SCAPER: variants seen among roughly 807,000 people sequenced by gnomAD.
SCAPER encodes S phase cyclin A-associated protein in the endoplasmic reticulum.
A neutral mutation model predicts 182.2 loss-of-function variants in SCAPER; 98 were observed. That is an observed-to-expected ratio of 0.54 (90% CI 0.46 to 0.64). The LOEUF (loss-of-function observed/expected upper bound fraction) is 0.64. SCAPER is among the 30% of genes least tolerant of loss of function. The probability of loss-of-function intolerance (pLI) is 0.00; values close to 1 mark genes in which losing one functional copy is unlikely to be tolerated. For missense variants in SCAPER, 1,432 were observed against 1,690.0 expected (o/e 0.85, Z 2.68); for synonymous variants, 605 against 564.6 (o/e 1.07, Z -1.01).
intron 24 of SCAPER, among the ~76,000 whole-genome samples, 171 bp from the exon 25 acceptor site, chr15:76,471,506 T>C: frequency 6.6e-6 from 1 of 152,188 alleles, no homozygotes; most frequent in South Asian, 2.1e-4. Context: ...TATAAAAGCT[T>C]ATAATTTTCA....
chr15:76,571,199 T>C (rs12902174), intron 23 of SCAPER, among the ~76,000 whole-genome samples: 58,080 of 151,978 alleles, frequency 0.38, 13,094 homozygotes, highest in Middle Eastern at 0.52. Context: ...AAATTCTTGC[T>C]TTTTCTGTGG....
chr15:76,899,676 G>T (rs12909065), intron 1 of SCAPER, among the ~76,000 whole-genome samples: 1 of 150,640 alleles, frequency 6.6e-6, no homozygotes, highest in Non-Finnish European at 1.5e-5. Context: ...TGGAAAGTGA[G>T]GAGCACCTCT....
At chr15:76,817,576 CCA>C (rs1227564193) in intron 5 of SCAPER, among the ~76,000 whole-genome samples, 6 of 152,032 alleles carry the variant, frequency 3.9e-5, no homozygotes, top group African/African-American at 1.4e-4. Flanking sequence ...GTTACTCTTA[CCA>C]CACACACAAA....
At chr15:76,464,427 T>C (rs2049435503) in intron 25 of SCAPER, among the ~76,000 whole-genome samples, 1 of 152,106 alleles carries the variant, frequency 6.6e-6, no homozygotes. Context: ...TCCCTGTGTA[T>C]ACCCAAATCT....
chr15:76,686,751 A>C (rs1162570287), intron 20 of SCAPER, among the ~76,000 whole-genome samples: 1 of 152,176 alleles, frequency 6.6e-6, no homozygotes, highest in Non-Finnish European at 1.5e-5. Context: ...AATTGGATGA[A>C]TATAAGCATT....
At chr15:76,482,629 C>T (rs544760698) in intron 24 of SCAPER, among the ~76,000 whole-genome samples, 22 of 152,182 alleles carry the variant, frequency 1.4e-4, no homozygotes, top group African/African-American at 5.3e-4. Flanking sequence ...AAAGCCTCCT[C>T]GAATGAATAA....
chr15:76,787,466 A>G (rs1281417613), intron 8 of SCAPER, among the ~76,000 whole-genome samples: 2 of 152,176 alleles, frequency 1.3e-5, no homozygotes, highest in Non-Finnish European at 2.9e-5. Flanking sequence ...AGCTGGGACC[A>G]CAAACACATG....
rs566069662 is a variant in SCAPER at position 76,609,132 on chromosome 15, G to A, written c.2711+12632C>T. ...TGCGTCGCTCATGCTGGTAGCTGTA[G>A]ACTGGAGCTGTTCCTATTCGGCCAT... On this transcript the variant is annotated intron_variant, in intron 22 of 31. Coordinates refer to ENST00000563290, the MANE Select transcript of SCAPER (RefSeq NM_020843.4). Among the ~76,000 whole-genome samples, 9 of 152,286 alleles carry A rather than the reference G, an allele frequency of 5.9e-5. No homozygotes were observed. The East Asian group carries it at 1.7e-3, about 29-fold the overall frequency.
In SCAPER at chr15:76,540,116, T is replaced by G. The variant is rs142690187; in HGVS notation, c.2838+34042A>C. Among the ~76,000 whole-genome samples, 637 of 152,352 alleles carry G rather than the reference T, an allele frequency of 4.2e-3. 25 individuals are homozygous for G. Among genetic ancestry groups the G allele is most frequent in the Admixed American group, 0.039 (590 of 15,306 alleles). On this transcript the variant is annotated intron_variant, in intron 23 of 31. Coordinates refer to ENST00000563290, the MANE Select transcript of SCAPER (RefSeq NM_020843.4). ...CTGCATTTTCTTTTGGATGGTTTAATTTTTAAAAAACCATGTGTGGCCATG... is the reference window on the plus strand; with the variant it reads ...CTGCATTTTCTTTTGGATGGTTTAAGTTTTAAAAAACCATGTGTGGCCATG...
At chr15:76,468,760 T>C (rs562995204) in intron 25 of SCAPER, among the ~76,000 whole-genome samples, 1 of 152,224 alleles carries the variant, frequency 6.6e-6, no homozygotes, top group East Asian at 1.9e-4. Context: ...TAAATTCACA[T>C]GTTGAAATAT....
chr15:76,460,105 T>A (rs148426218), intron 25 of SCAPER, among the ~76,000 whole-genome samples: 1 of 152,234 alleles, frequency 6.6e-6, no homozygotes, highest in African/African-American at 2.4e-5. Flanking sequence ...TCTGTTTCTA[T>A]GAAAAATGAA....
At position 76,649,632 on chromosome 15, in the gene SCAPER, A is replaced by C. The variant is rs573815201; in HGVS notation, c.2645+16021T>G. ...ATACAGCAGAAAAGAAAAAATAAGAAACATCAGATACAGTAAAAAAGAAAA... is the reference window on the plus strand; with the variant it reads ...ATACAGCAGAAAAGAAAAAATAAGACACATCAGATACAGTAAAAAAGAAAA... On this transcript the variant is annotated intron_variant, in intron 21 of 31. Coordinates refer to ENST00000563290, the MANE Select transcript of SCAPER (RefSeq NM_020843.4). Among the ~76,000 whole-genome samples, 5 of 150,864 alleles carry C rather than the reference A, an allele frequency of 3.3e-5. No homozygotes were observed. The East Asian group carries it at 9.6e-4, about 29-fold the overall frequency.
chr15:76,713,214 A>G (rs1386013235), intron 17 of SCAPER, among the ~76,000 whole-genome samples: 6 of 152,118 alleles, frequency 3.9e-5, no homozygotes, highest in Non-Finnish European at 7.3e-5. Flanking sequence ...TGTGGAAGTC[A>G]GTGTGGCGAT....
chr15:76,668,044 C>T (rs960936718), intron 20 of SCAPER, among the ~76,000 whole-genome samples: 3 of 152,156 alleles, frequency 2.0e-5, no homozygotes. Flanking sequence ...AATAACACGT[C>T]TACAACAAAA....
At chr15:76,592,086 T>C (rs184635781) in intron 22 of SCAPER, among the ~76,000 whole-genome samples, 97 of 151,848 alleles carry the variant, frequency 6.4e-4, no homozygotes, top group Admixed American at 2.5e-3. Context: ...TATCTATCTA[T>C]CTACCTACCT....
chr15:76,467,048 G>A (rs1355070947), intron 25 of SCAPER, among the ~76,000 whole-genome samples: 1 of 152,028 alleles, frequency 6.6e-6, no homozygotes, highest in Non-Finnish European at 1.5e-5. Flanking sequence ...TTAAAAGTGT[G>A]TAGCATCTCC....
At chr15:76,687,334 T>A (rs571043241) in intron 20 of SCAPER, among the ~76,000 whole-genome samples, 7 of 152,272 alleles carry the variant, frequency 4.6e-5, no homozygotes, top group Admixed American at 3.9e-4. Flanking sequence ...AAAGAAAAAT[T>A]AATAAACTCC....
chr15:76,572,913 TCTCTCTCACACACACACA>T (rs1487654048), intron 23 of SCAPER, among the ~76,000 whole-genome samples: 4 of 119,450 alleles, frequency 3.3e-5, no homozygotes, highest in African/African-American at 1.4e-4. Flanking sequence ...TCTCTCTCTC[TCTCTCTCACACACACACA>T]CACACACACA....
At chr15:76,677,902 G>A (rs2057459551) in intron 20 of SCAPER, among the ~76,000 whole-genome samples, 1 of 151,524 alleles carries the variant, frequency 6.6e-6, no homozygotes, top group African/African-American at 2.4e-5. Flanking sequence ...ATGATCTTTG[G>A]AAAAGAATAA....
Sources: gnomAD v4.1 joint callset for allele counts (sites outside exome capture counted in the v4.1 genomes callset) on GRCh38, gnomAD v4.1.1 for gene constraint, MANE v1.5 for transcripts, NCBI Gene and HGNC (gene_info 2026-07-23, HGNC 2026-07-21) for gene names.